The following DEGS2 variants were observed in gnomAD, a reference collection of about 807,000 sequenced individuals.
DEGS2 encodes sphingolipid delta(4)-desaturase/C4-monooxygenase DES2.
DEGS2 carries 19 observed loss-of-function variants against 23.8 expected under a neutral mutation model. The observed-to-expected ratio is 0.80, with a 90% CI of 0.56 to 1.17. DEGS2 has a LOEUF of 1.17. Ranked by LOEUF, DEGS2 falls within the 50% of genes most tolerant of loss-of-function variation. The pLI is 0.00. For missense variants in DEGS2, 390 were observed against 459.5 expected, an observed-to-expected ratio of 0.85 and a Z score of 1.38; for synonymous variants, 218 against 213.7, an observed-to-expected ratio of 1.02 and a Z score of -0.18.
chr14:100,149,042 A>G lies in DEGS2; in HGVS notation c.751T>C (p.Trp251Arg). ...ETYSYYGPLNWITFNVGYHVE... is the reference protein window; with the variant it reads ...ETYSYYGPLNRITFNVGYHVE... ...TGGTAGCCCACATTGAAGGTGATCC[A>G]GTTGAGAGGCCCATAGTAGGAGTAG... The change falls in exon 2 of 3, where the codon TGG (tryptophan) becomes CGG (arginine). Residue 251 changes from tryptophan to arginine, a missense_variant. Physicochemically the swap from Trp to Arg is moderately radical, Grantham distance 101 (BLOSUM62 -3). Coordinates refer to ENST00000305631, the MANE Select transcript of DEGS2 (RefSeq NM_206918.3). 3 of 1,612,906 alleles carry G rather than the reference A, an allele frequency of 1.9e-6. No individual in the cohort carries two copies. The highest frequency in any genetic ancestry group is 2.5e-6 in the Non-Finnish European group (3 of 1,179,996).
upstream of DEGS2, chr14:100,160,230 C>T (rs1257606485): frequency 6.6e-6 from 1 of 152,282 alleles, no homozygotes; most frequent in Non-Finnish European, 1.5e-5. Flanking sequence ...ATGAGTCAGA[C>T]CCACTCCTGC....
At chr14:100,159,877 C>T (rs527274926), upstream of DEGS2, 43 of 236,162 alleles carry the variant, frequency 1.8e-4, no homozygotes, top group Non-Finnish European at 2.7e-4. Flanking sequence ...GCGCGAGTCC[C>T]TGGGTCCCTC....
At chr14:100,156,084 C>T (rs1462191322) in intron 1 of DEGS2, among the ~76,000 whole-genome samples, 1 of 152,236 alleles carries the variant, frequency 6.6e-6, no homozygotes. Flanking sequence ...ACCCACAGAG[C>T]TCCTGGAGCC....
intron 1 of DEGS2, among the ~76,000 whole-genome samples, chr14:100,153,194 T>C (rs1472201525): frequency 1.3e-5 from 2 of 152,070 alleles, no homozygotes; most frequent in African/African-American, 2.4e-5. Flanking sequence ...AGTTCGGGGC[T>C]GCAGTGAGCC....
At chr14:100,165,261 T>A in the DEGS2 span, among the ~76,000 whole-genome samples, 4 of 152,142 alleles carry the variant, frequency 2.6e-5, no homozygotes, top group Non-Finnish European at 5.9e-5. Flanking sequence ...CTGAAATTAC[T>A]CAAACCAGCC....
At position 100,145,202 on chromosome 14, in the gene DEGS2, GCCTGGACATGC is replaced by G. The variant is rs1392286837; in HGVS notation, c.*1548_*1558del. The G allele has an allele frequency of 6.6e-6, 1 of 152,410 alleles. No homozygotes were observed. The highest frequency in any genetic ancestry group is 1.5e-5 in the Non-Finnish European group (1 of 68,184). The allele number at this position is 152,410 out of a possible 1,614,324, so 9.4% of individuals were successfully genotyped here. The stretch of plus-strand genomic sequence containing the variant: ...GCCTGGCCTTCAGTTTGTGGGTGAG[GCCTGGACATGC>G]CCCTTTGCGCTGTCTGCAGAAAAGT... On this transcript the variant is annotated 3_prime_UTR_variant, in exon 3 of 3. Transcript: ENST00000305631.
chr14:100,153,170 C>T (rs1026617328), intron 1 of DEGS2, among the ~76,000 whole-genome samples: 4 of 151,926 alleles, frequency 2.6e-5, no homozygotes, highest in East Asian at 1.9e-4. Context: ...GTGGGAAGAT[C>T]GCTTGAGCCC....
intron 2 of DEGS2, among the ~76,000 whole-genome samples, chr14:100,147,494 C>T (rs576120745): frequency 6.6e-6 from 1 of 152,188 alleles, no homozygotes; most frequent in South Asian, 2.1e-4. Flanking sequence ...GCCTCTTGAG[C>T]ACCTGCTGTC....
At chr14:100,158,986 G>T (rs1889703669) in intron 1 of DEGS2, among the ~76,000 whole-genome samples, 3 of 152,232 alleles carry the variant, frequency 2.0e-5, no homozygotes. Flanking sequence ...GAAAACACGC[G>T]CGCCTCTCAT....
At chr14:100,159,213 C>CGGCCCT (rs1320925417) in intron 1 of DEGS2, among the ~76,000 whole-genome samples, 1 of 152,146 alleles carries the variant, frequency 6.6e-6, no homozygotes, top group African/African-American at 2.4e-5. Context: ...CCCAGAGCCC[C>CGGCCCT]GGCCCTGGCC....
intron 1 of DEGS2, 76 bp from the exon 2 acceptor site, chr14:100,149,786 G>GGGA: frequency 6.9e-7 from 1 of 1,452,422 alleles, no homozygotes; most frequent in Non-Finnish European, 9.3e-7. Flanking sequence ...CCACTGCAGT[G>GGGA]GCCGAGGGGT....
In DEGS2 at chr14:100,148,037, G is replaced by A. The variant is rs1035288219; in HGVS notation, c.825+931C>T. Among the ~76,000 whole-genome samples, 5 of 152,198 alleles carry A rather than the reference G, an allele frequency of 3.3e-5. No homozygotes were observed. In the East Asian group the frequency reaches 5.8e-4, roughly 18 times the overall value. ...GAGCACCGCCTTGGTACTGCCAGCC[G>A]GAATGGAGGGCACAGGCCACGGCCC... On this transcript the variant is annotated intron_variant, in intron 2 of 2. Transcript: ENST00000305631.
Position 100,146,768 on chromosome 14 carries a change from C to A in DEGS2, c.965G>T (p.Gly322Val). The A allele has an allele frequency of 6.2e-7, 1 of 1,613,330 alleles. No individual in the cohort carries two copies. Residue 322 changes from glycine (G) to valine (V), a missense_variant, in exon 3 of 3, where the codon GGT becomes GTT. Transcript: ENST00000305631. ...VKRVYRLAKDGL is the reference protein window; with the variant it reads ...VKRVYRLAKDVL ...CCAGGAGGCAGCCCGGGCTCACAGACCATCTTTTGCCAGCCTGTACACCCG... is the reference window on the plus strand; with the variant it reads ...CCAGGAGGCAGCCCGGGCTCACAGAACATCTTTTGCCAGCCTGTACACCCG...
chr14:100,159,670 C>G, upstream of DEGS2: 2 of 312,770 alleles, frequency 6.4e-6, no homozygotes, highest in Non-Finnish European at 4.9e-6. Context: ...GGAACCAGCT[C>G]TGATTAGGGC....
chr14:100,145,628 A>G lies in DEGS2; in HGVS notation c.*1133T>C, dbSNP rs566814535. 1 of 152,186 alleles carries G rather than the reference A, an allele frequency of 6.6e-6. No homozygotes were observed. Among genetic ancestry groups the G allele is most frequent in the East Asian group, 1.9e-4 (1 of 5,144 alleles). 9.4% of individuals were successfully genotyped at this position (152,186 alleles called of 1,614,324 possible). On this transcript the variant is annotated 3_prime_UTR_variant, in exon 3 of 3. Transcript: ENST00000305631. ...TCCCCAAGGCAGTGGTGGGAGCTGC[A>G]TCCACTGCTGGATTGCAGTGGGCCC...
At chr14:100,164,433 CA>C (rs1377436895), upstream of DEGS2, among the ~76,000 whole-genome samples, 2 of 151,928 alleles carry the variant, frequency 1.3e-5, no homozygotes, top group Non-Finnish European at 2.9e-5. Context: ...GCCAGGAGTT[CA>C]AAACCAGCCT....
chr14:100,149,619 G>A lies in DEGS2; in HGVS notation c.174C>T (p.Cys58=). The part of the protein sequence containing the change: ...LVLVLVQMLA[C]WLVRGLAWRW... Reference sequence around the variant, plus strand: ...GCCAGGCCAGCCCGCGCACCAGCCAGCAGGCCAGCATCTGCACCAGCACCA... The same window carrying A: ...GCCAGGCCAGCCCGCGCACCAGCCAACAGGCCAGCATCTGCACCAGCACCA... The change falls in exon 2 of 3, where the codon TGC becomes TGT. Residue 58 remains cysteine (C), a synonymous_variant. Transcript: ENST00000305631. 6.2e-7 allele frequency: 1 copy of A among 1,611,764 alleles called. No individual in the cohort carries two copies. The highest frequency in any genetic ancestry group is 1.1e-5 in the South Asian group (1 of 90,998).
upstream of DEGS2, chr14:100,159,998 G>A (rs964664761): frequency 6.5e-6 from 1 of 154,896 alleles, no homozygotes; most frequent in African/African-American, 2.4e-5. Flanking sequence ...CCGCAGCCCC[G>A]ACCCGCTCGC....
At chr14:100,160,394 C>G (rs777383338), upstream of DEGS2, among the ~76,000 whole-genome samples, 5 of 152,184 alleles carry the variant, frequency 3.3e-5, no homozygotes, top group Non-Finnish European at 5.9e-5. Context: ...GGTAGGAGTT[C>G]AACAGCTAGA....
Sources: allele counts gnomAD v4.1 joint callset (sites outside exome capture counted in the v4.1 genomes callset), GRCh38; gene constraint gnomAD v4.1.1; transcripts MANE v1.5; gene names NCBI Gene and HGNC (gene_info 2026-07-23, HGNC 2026-07-21).